GSE1: variants seen among roughly 807,000 people sequenced by gnomAD.
GSE1 encodes genetic suppressor element 1.
Under a neutral mutation model 112.6 loss-of-function variants are expected in GSE1, and 32 were observed. The observed-to-expected ratio is 0.28, with a 90% confidence interval of 0.21 to 0.38. GSE1 has a LOEUF of 0.38. GSE1 is among the 10% of genes least tolerant of loss of function. GSE1 has a pLI of 1.00. For missense variants in GSE1, 2,348 were observed against 1,699.2 expected (o/e 1.38, Z -6.71); for synonymous variants, 1,115 against 735.6 (o/e 1.52, Z -8.35).
chr16:85,219,315 A>G (rs1160729529), intron 1 of GSE1, among the ~76,000 whole-genome samples: 1 of 152,234 alleles, frequency 6.6e-6, no homozygotes, highest in Non-Finnish European at 1.5e-5. Flanking sequence ...TGCCCGGCCA[A>G]AAGGACTGCT....
intron 1 of GSE1, among the ~76,000 whole-genome samples, chr16:85,568,083 G>T (rs1417169320): frequency 1.3e-5 from 2 of 152,200 alleles, no homozygotes; most frequent in Non-Finnish European, 2.9e-5. Flanking sequence ...GGGTTTGGGA[G>T]ATGCAATTGA....
At chr16:85,430,166 G>A (rs931500183) in intron 2 of GSE1, among the ~76,000 whole-genome samples, 7 of 152,186 alleles carry the variant, frequency 4.6e-5, no homozygotes, top group Admixed American at 2.6e-4. Context: ...GGCTAGGAAC[G>A]TTGCCCGTGA....
chr16:85,181,575 G>A (rs1341754915), intron 1 of GSE1, among the ~76,000 whole-genome samples: 1 of 152,210 alleles, frequency 6.6e-6, no homozygotes, highest in Non-Finnish European at 1.5e-5. Flanking sequence ...GGAGGGAGAG[G>A]GTCAGAGGGC....
At chr16:85,432,939 G>T (rs771892292) in intron 2 of GSE1, among the ~76,000 whole-genome samples, 14 of 152,064 alleles carry the variant, frequency 9.2e-5, no homozygotes, top group Non-Finnish European at 1.9e-4. Context: ...GGCAGATAGG[G>T]ACTGATCTGG....
At chr16:85,346,817 GTGGA>G (rs370172173) in intron 1 of GSE1, among the ~76,000 whole-genome samples, 21 of 150,040 alleles carry the variant, frequency 1.4e-4, no homozygotes, top group South Asian at 2.1e-4. Context: ...GTGGTAGATG[GTGGA>G]TGGATGGATG....
At chr16:85,365,365 CCTG>C (rs949150446) in intron 2 of GSE1, among the ~76,000 whole-genome samples, 2 of 152,248 alleles carry the variant, frequency 1.3e-5, no homozygotes, top group Admixed American at 1.3e-4. Flanking sequence ...CTCCTTCACT[CCTG>C]CACTCCGCCT....
chr16:85,379,831 G>C (rs1376637254), intron 2 of GSE1, among the ~76,000 whole-genome samples: 1 of 152,198 alleles, frequency 6.6e-6, no homozygotes, highest in Admixed American at 6.5e-5. Flanking sequence ...TCCTCCCCCA[G>C]CTCCTGCTCC....
chr16:85,198,945 A>AT (rs768150861), intron 1 of GSE1, among the ~76,000 whole-genome samples: 1,420 of 139,788 alleles, frequency 0.01, 11 homozygotes, highest in Non-Finnish European at 0.016. Flanking sequence ...CACCCGGCTA[A>AT]TTTTTTTTTT....
At chr16:85,556,507 C>CG (rs2045221086) in intron 1 of GSE1, 2 of 178,700 alleles carry the variant, frequency 1.1e-5, no homozygotes, top group Admixed American at 6.6e-5. Context: ...CGCGCGGCCT[C>CG]GGATCCTCCC....
intron 1 of GSE1, among the ~76,000 whole-genome samples, chr16:85,602,837 G>A (rs576583054): frequency 1.3e-3 from 193 of 152,250 alleles, no homozygotes; most frequent in Non-Finnish European, 2.5e-3. Flanking sequence ...CGATGTACCC[G>A]GTTACAGGGG....
chr16:85,566,386 A>G (rs2045747803), intron 1 of GSE1, among the ~76,000 whole-genome samples: 1 of 152,224 alleles, frequency 6.6e-6, no homozygotes, highest in African/African-American at 2.4e-5. Flanking sequence ...CTGAATAAGT[A>G]AAGAAGAAAC....
intron 1 of GSE1, among the ~76,000 whole-genome samples, chr16:85,604,720 G>GGGCAACAGAGT (rs2047607769): frequency 1.8e-5 from 1 of 55,648 alleles, no homozygotes; most frequent in African/African-American, 8.3e-5. Flanking sequence ...GCTCCAGCCT[G>GGGCAACAGAGT]GGCAACAGAG....
intron 1 of GSE1, among the ~76,000 whole-genome samples, chr16:85,586,950 G>A (rs1235895328): frequency 6.6e-6 from 1 of 152,262 alleles, no homozygotes; most frequent in Non-Finnish European, 1.5e-5. Context: ...GCTGGATGGA[G>A]CTGTTTTGAT....
intron 1 of GSE1, among the ~76,000 whole-genome samples, chr16:85,175,820 G>A (rs929181539): frequency 2.6e-5 from 4 of 152,168 alleles, no homozygotes; most frequent in Admixed American, 6.5e-5. Context: ...GCCGCAGCCC[G>A]GTTTCAGGAG....
intron 2 of GSE1, among the ~76,000 whole-genome samples, chr16:85,464,401 C>T (rs2050066136): frequency 6.6e-6 from 1 of 152,164 alleles, no homozygotes; most frequent in African/African-American, 2.4e-5. Context: ...CTAAGTGAAC[C>T]TGCAAAACTC....
intron 1 of GSE1, among the ~76,000 whole-genome samples, chr16:85,182,499 G>A (rs1005035757): frequency 2.6e-5 from 4 of 152,162 alleles, no homozygotes; most frequent in African/African-American, 9.7e-5. Flanking sequence ...TTTCTCTTCC[G>A]GAAACTGCGT....
At chr16:85,374,120 AGT>A (rs1567719303) in intron 2 of GSE1, among the ~76,000 whole-genome samples, 1 of 150,426 alleles carries the variant, frequency 6.6e-6, no homozygotes, top group Non-Finnish European at 1.5e-5. Flanking sequence ...CTCAGTGTGT[AGT>A]GTGTGTCAGT....
At chr16:85,553,186 A>C (rs866051720), upstream of GSE1, among the ~76,000 whole-genome samples, 19 of 138,884 alleles carry the variant, frequency 1.4e-4, no homozygotes, top group African/African-American at 4.4e-4. Flanking sequence ...CGGGTGATAA[A>C]TGGGTGGGAG....
At chr16:85,513,500 C>G (rs556532169) in intron 2 of GSE1, among the ~76,000 whole-genome samples, 11 of 152,134 alleles carry the variant, frequency 7.2e-5, no homozygotes, top group Admixed American at 4.6e-4. Context: ...TCACCGCTCA[C>G]GCACCCAACG....
Sources: gnomAD v4.1 joint callset for allele counts (sites outside exome capture counted in the v4.1 genomes callset) on GRCh38, gnomAD v4.1.1 for gene constraint, MANE v1.5 for transcripts, NCBI Gene and HGNC (gene_info 2026-07-23, HGNC 2026-07-21) for gene names.